The following TEPSIN variants were observed in gnomAD, a reference collection of about 807,000 sequenced individuals.
The protein encoded by TEPSIN is TEPSIN adaptor related protein complex 4 accessory protein.
Under a neutral mutation model 48.5 loss-of-function variants are expected in TEPSIN, and 50 were observed. That is an observed-to-expected ratio of 1.03 (90% CI 0.82 to 1.31). TEPSIN has a LOEUF of 1.31. Among genes scored for constraint, TEPSIN ranks in the 50% most tolerant of loss-of-function variants. TEPSIN has a pLI of 0.00. For missense variants in TEPSIN, 838 were observed against 815.9 expected (o/e 1.03, Z -0.33); for synonymous variants, 392 against 358.8 (o/e 1.09, Z -1.05).
At position 81,229,456 on chromosome 17, in the gene TEPSIN, G is replaced by A; in HGVS notation, c.1254C>T (p.Ala418=). ...GGGCAGGGGACAGCTGCCCACAGGA[G>A]GCCTCAAAGTGCCTCAGGATCTGAA... is the stretch of plus-strand genomic sequence containing the variant. ...KATKILRHFE[A]SCGQLSPARG... The change falls in exon 13 of 13, where the codon GCC becomes GCT. Residue 418 remains alanine, a synonymous_variant. Transcript: ENST00000637944. 1 of 1,549,532 alleles carries A rather than the reference G, an allele frequency of 6.5e-7. No homozygotes were observed. The highest frequency in any genetic ancestry group is 8.7e-7 in the Non-Finnish European group (1 of 1,146,656).
chr17:81,235,958 G>A (rs2062712893), intron 4 of TEPSIN, among the ~76,000 whole-genome samples: 1 of 152,200 alleles, frequency 6.6e-6, no homozygotes, highest in Non-Finnish European at 1.5e-5. Context: ...GGTACACCCT[G>A]AGGTCTCCAC....
Position 81,233,602 on chromosome 17 carries a change from G to A in TEPSIN, c.454+36C>T, listed in dbSNP as rs377131626. On this transcript the variant is annotated intron_variant, in intron 6 of 12. Coordinates refer to ENST00000637944, the MANE Select transcript of TEPSIN (RefSeq NM_001363764.2). This position sits in a 1 kb window ranked among gnomAD's most constrained non-coding sequence, Gnocchi z 5.8. ...GGACACTCAAGGAGGCAGAAACCAG[G>A]TGCCAGAGCTGGACACGGTCCCCTC... 51 of 1,577,358 alleles carry A rather than the reference G, an allele frequency of 3.2e-5. No homozygotes were observed. The highest frequency in any genetic ancestry group is 1.7e-4 in the Middle Eastern group (1 of 5,954).
rs570726726 is a variant in TEPSIN, at chr17:81,234,281, C to A, written c.308-233G>T. ...GGCGAGACTCTCTCCACAGCAACCA[C>A]CTCGTCTCCCCCAGGGTCGGCAACC... On this transcript the variant is annotated intron_variant, in intron 4 of 12. Transcript: ENST00000637944. The surrounding 1 kb of genome is among the most constrained non-coding windows in gnomAD (Gnocchi z 5.4). 2 of 406,474 alleles carry A rather than the reference C, an allele frequency of 4.9e-6. No homozygotes were observed. The highest frequency in any genetic ancestry group is 8.7e-6 in the Non-Finnish European group (2 of 229,618). The allele number at this position is 406,474 out of a possible 1,614,324, so 25.2% of individuals were successfully genotyped here. A position where few individuals can be genotyped will look rare whatever the true frequency, so the allele number is the denominator to read the frequency against.
chr17:81,235,371 C>T (rs971868792), intron 4 of TEPSIN, among the ~76,000 whole-genome samples: 4 of 152,208 alleles, frequency 2.6e-5, no homozygotes, highest in African/African-American at 9.6e-5. Flanking sequence ...CAGGGCGCCC[C>T]GTCTCTCACG....
chr17:81,237,615 G>A (rs544602572), intron 1 of TEPSIN, 156 bp from the exon 2 acceptor site: 18 of 764,168 alleles, frequency 2.4e-5, no homozygotes, highest in Admixed American at 1.2e-4. Flanking sequence ...ACTGGCCACA[G>A]GGAGGCTGCA....
chr17:81,233,097 C>T lies in TEPSIN; in HGVS notation c.526+335G>A. 1 of 429,438 alleles carries T rather than the reference C, an allele frequency of 2.3e-6. No individual in the cohort carries two copies. Among genetic ancestry groups the T allele is most frequent in the African/African-American group, 2.1e-5 (1 of 48,670 alleles). 26.6% of individuals were successfully genotyped at this position (429,438 alleles called of 1,614,324 possible). ...ACTGCCCCACCTCATAACAGCTCCA[C>T]ACGGGACTGCCTGAGTCACCTGCAC... On this transcript the variant is annotated intron_variant, in intron 7 of 12. Coordinates refer to ENST00000637944, the MANE Select transcript of TEPSIN (RefSeq NM_001363764.2). This position sits in a 1 kb window ranked among gnomAD's most constrained non-coding sequence, Gnocchi z 5.8.
chr17:81,230,264 G>T lies in TEPSIN; in HGVS notation c.1233+280C>A. Reference sequence around the variant, plus strand: ...AGGTAAGTGTGAGGCCAAGACACAAGGGCAGGAACATTAAGGCAGCGGAGT... The same window carrying T: ...AGGTAAGTGTGAGGCCAAGACACAATGGCAGGAACATTAAGGCAGCGGAGT... On this transcript the variant is annotated intron_variant, in intron 12 of 12. Transcript: ENST00000637944. The surrounding 1 kb of genome is among the most constrained non-coding windows in gnomAD (Gnocchi z 4.2). 2 of 469,336 alleles carry T rather than the reference G, an allele frequency of 4.3e-6. No homozygotes were observed. Among genetic ancestry groups the T allele is most frequent in the Non-Finnish European group, 7.6e-6 (2 of 262,178 alleles). The allele number at this position is 469,336 out of a possible 1,614,324, so 29.1% of individuals were successfully genotyped here. A position where few individuals can be genotyped will look rare whatever the true frequency, so the allele number is the denominator to read the frequency against.
At chr17:81,232,844 G>GGGCC in intron 7 of TEPSIN, 1 of 320,042 alleles carries the variant, frequency 3.1e-6, no homozygotes, top group South Asian at 6.9e-5. Flanking sequence ...GCTCGGGGAG[G>GGGCC]GGCCGGCCTT....
Position 81,229,222 on chromosome 17 carries a change from G to C in TEPSIN, c.1488C>G (p.Pro496=), listed in dbSNP as rs749873427. ...TGGCCTCGGCCTCGCTGGGGTCTCC[G>C]GGGGCTGGAATGGGGGAGGCATCTG... ...PPPDASPIPA[P]GDPSEAEARL... Residue 496 remains proline (P), a synonymous_variant, in exon 13 of 13, where the codon CCC becomes CCG. Coordinates refer to ENST00000637944, the MANE Select transcript of TEPSIN (RefSeq NM_001363764.2). 12 of 1,602,064 alleles carry C rather than the reference G, an allele frequency of 7.5e-6. 1 individual carries two copies. The South Asian group carries it at 1.1e-4, about 15-fold the overall frequency.
chr17:81,229,352 G>T lies in TEPSIN; in HGVS notation c.1358C>A (p.Pro453His). The T allele has an allele frequency of 6.4e-7, 1 of 1,563,534 alleles. No homozygotes were observed. Among genetic ancestry groups the T allele is most frequent in the Non-Finnish European group, 8.7e-7 (1 of 1,154,234 alleles). The change falls in exon 13 of 13, where the codon CCT (proline) becomes CAT (histidine). Residue 453 changes from proline (P) to histidine (H), a missense_variant. Transcript: ENST00000637944. Reference sequence around the variant, plus strand: ...AGGCTGCAGGAAGACCTGGCTCCCAGGGAGAGGCACAGCGTCGGTCAGCAG... The same window carrying T: ...AGGCTGCAGGAAGACCTGGCTCCCATGGAGAGGCACAGCGTCGGTCAGCAG... ...SDLLTDAVPL[P>H]GSQVFLQPLS...
chr17:81,229,157 G>T lies in TEPSIN; in HGVS notation c.1553C>A (p.Pro518Gln). 1 of 1,612,332 alleles carries T rather than the reference G, an allele frequency of 6.2e-7. No homozygotes were observed. The highest frequency in any genetic ancestry group is 8.5e-7 in the Non-Finnish European group (1 of 1,179,548). ...ESRRWRPERI[P>Q]GGTDSPKRGP... ...TCTCTTTGGGCTGTCCGTGCCCCCT[G>T]GGATCCGTTCAGGTCTCCACCGCCT... Residue 518 changes from proline (P) to glutamine (Q), a missense_variant, in exon 13 of 13, where the codon CCA becomes CAA. Coordinates refer to ENST00000637944, the MANE Select transcript of TEPSIN (RefSeq NM_001363764.2).
rs140026259 is a variant in TEPSIN at position 81,234,700 on chromosome 17, C to T, written c.308-652G>A. ...GCAGGCTGGTCCCGTGATTCGGAGA[C>T]GATGCTCCTGGCTGTCCCTGGGCCC... On this transcript the variant is annotated intron_variant, in intron 4 of 12. Transcript: ENST00000637944. The surrounding 1 kb of genome is among the most constrained non-coding windows in gnomAD (Gnocchi z 5.4). Among the ~76,000 whole-genome samples, 125 of 152,126 alleles carry T rather than the reference C, an allele frequency of 8.2e-4. 1 individual carries two copies. Among genetic ancestry groups the T allele is most frequent in the African/African-American group, 2.8e-3 (117 of 41,474 alleles).
rs753753608 is a variant in TEPSIN at position 81,230,711 on chromosome 17, T to A, written c.1099-33A>T. On this transcript the variant is annotated intron_variant, in intron 11 of 12. Transcript: ENST00000637944. The surrounding 1 kb of genome is among the most constrained non-coding windows in gnomAD (Gnocchi z 4.2). ...TGAAGGGAGGGGACATCAGCACCCA[T>A]GGGGCAGCAGGTCCACGCCAGGGAG... 28 of 1,494,592 alleles carry A rather than the reference T, an allele frequency of 1.9e-5. No homozygotes were observed. The South Asian group carries it at 3.5e-4, about 19-fold the overall frequency. 92.6% of individuals were successfully genotyped at this position (1,494,592 alleles called of 1,614,324 possible).
Position 81,233,024 on chromosome 17 carries a change from G to T in TEPSIN, c.526+408C>A. On this transcript the variant is annotated intron_variant, in intron 7 of 12. Coordinates refer to ENST00000637944, the MANE Select transcript of TEPSIN (RefSeq NM_001363764.2). The surrounding 1 kb of genome is among the most constrained non-coding windows in gnomAD (Gnocchi z 5.8). ...GGGCTGGGTCCCAGCCGCAGGCAGT[G>T]GTGCCACCTGTGGCTCTCCTGGCGC... 3.8e-6 allele frequency: 1 copy of T among 262,860 alleles called. No homozygotes were observed. The highest frequency in any genetic ancestry group is 7.3e-6 in the Non-Finnish European group (1 of 136,728). The allele number at this position is 262,860 out of a possible 1,614,324, so 16.3% of individuals were successfully genotyped here.
Position 81,231,687 on chromosome 17 carries a change from C to T in TEPSIN, c.910G>A (p.Glu304Lys), listed in dbSNP as rs780595365. The change falls in exon 10 of 13, where the codon GAG (glutamate) becomes AAG (lysine). Residue 304 changes from glutamate (E) to lysine (K), a missense_variant. Transcript: ENST00000637944. ...TGACAGTCACTCAGGGCCACCACCT[C>T]GACCCTGCCAGGGGGAATGGCCGGG... ...REPGDLAERV[E>K]VVALSDCQQE... 6.8e-6 allele frequency: 11 copies of T among 1,611,342 alleles called. No homozygotes were observed. Among genetic ancestry groups the T allele is most frequent in the Middle Eastern group, 1.6e-4 (1 of 6,070 alleles).
Position 81,232,040 on chromosome 17 carries a change from C to T in TEPSIN, c.731-19G>A. ...CTCACAGCTGGAGGAAACAGGACAG[C>T]CGGTGAGATCCCTGGGGCTTCAGGC... On this transcript the variant is annotated intron_variant, in intron 8 of 12. Coordinates refer to ENST00000637944, the MANE Select transcript of TEPSIN (RefSeq NM_001363764.2). 1 of 1,599,368 alleles carries T rather than the reference C, an allele frequency of 6.3e-7. No homozygotes were observed. The highest frequency in any genetic ancestry group is 1.1e-5 in the South Asian group (1 of 90,942).
Position 81,232,025 on chromosome 17 carries a change from G to A in TEPSIN, c.731-4C>T, listed in dbSNP as rs770569040. 5 of 1,605,972 alleles carry A rather than the reference G, an allele frequency of 3.1e-6. No individual in the cohort carries two copies. In the South Asian group the frequency reaches 3.3e-5, roughly 11 times the overall value. ...TGCCCAGGCTGATGCCTCACAGCTG[G>A]AGGAAACAGGACAGCCGGTGAGATC... On this transcript the variant is annotated splice_region_variant and splice_polypyrimidine_tract_variant and intron_variant, in intron 8 of 12. Transcript: ENST00000637944.
chr17:81,233,258 C>A lies in TEPSIN; in HGVS notation c.526+174G>T. On this transcript the variant is annotated intron_variant, in intron 7 of 12. Coordinates refer to ENST00000637944, the MANE Select transcript of TEPSIN (RefSeq NM_001363764.2). This position sits in a 1 kb window ranked among gnomAD's most constrained non-coding sequence, Gnocchi z 5.8. ...AGCCCTGGCCACACCTGCCCCACCC[C>A]CACGTCAGCAGCCAGAGAGAGACAG... 1.3e-6 allele frequency: 1 copy of A among 757,992 alleles called. No homozygotes were observed. Among genetic ancestry groups the A allele is most frequent in the South Asian group, 1.9e-5 (1 of 53,892 alleles). 47.0% of individuals were successfully genotyped at this position (757,992 alleles called of 1,614,324 possible).
In TEPSIN at chr17:81,229,382, G is replaced by A. The variant is rs1437608684; in HGVS notation, c.1328C>T (p.Ser443Phe). ...AGGCACAGCGTCGGTCAGCAGGTCA[G>A]ATGGGCCTGGGAGGGCGGCTGTGGG... The part of the protein sequence containing the change: ...PGPTAALPGP[S>F]DLLTDAVPLP... Residue 443 changes from serine to phenylalanine, a missense_variant, in exon 13 of 13, where the codon TCT becomes TTT. Ser to Phe is a radical substitution (Grantham distance 155). Coordinates refer to ENST00000637944, the MANE Select transcript of TEPSIN (RefSeq NM_001363764.2). The A allele has an allele frequency of 1.3e-6, 2 of 1,555,266 alleles. No individual in the cohort carries two copies. Among genetic ancestry groups the A allele is most frequent in the Admixed American group, 3.9e-5 (2 of 51,090 alleles).
Sources: allele counts gnomAD v4.1 joint callset (sites outside exome capture counted in the v4.1 genomes callset), GRCh38; gene constraint gnomAD v4.1.1; non-coding constraint Gnocchi (gnomAD v3.1); transcripts MANE v1.5; gene names NCBI Gene and HGNC (gene_info 2026-07-23, HGNC 2026-07-21).